NUDT13: variants seen among roughly 807,000 people sequenced by gnomAD.
NUDT13 encodes the protein NAD(P)H pyrophosphatase NUDT13, mitochondrial.
NUDT13 carries 40 observed loss-of-function variants against 41.7 expected under a neutral mutation model. The ratio of observed to expected loss-of-function variants is 0.96; its 90% CI spans 0.75 to 1.25. The LOEUF (loss-of-function observed/expected upper bound fraction) is 1.25, where lower values mean the gene tolerates loss of function less well. NUDT13 is among the 50% of genes most tolerant of loss of function. NUDT13 has a pLI of 0.00. For synonymous variants in NUDT13, 145 were observed against 155.5 expected, an observed-to-expected ratio of 0.93 and a Z score of 0.50; for missense variants, 390 against 416.1, an observed-to-expected ratio of 0.94 and a Z score of 0.55.
At chr10:73,128,831 T>C (rs1842849755) in intron 8 of NUDT13, among the ~76,000 whole-genome samples, 1 of 152,230 alleles carries the variant, frequency 6.6e-6, no homozygotes, top group Non-Finnish European at 1.5e-5. Flanking sequence ...TCTAGAAATT[T>C]ATTCCTTTAT....
At chr10:73,123,088 C>T (rs1373689331) in intron 4 of NUDT13, among the ~76,000 whole-genome samples, 1 of 150,832 alleles carries the variant, frequency 6.6e-6, no homozygotes, top group Non-Finnish European at 1.5e-5. Flanking sequence ...TTAGTAGAGA[C>T]GGGGTTTCTC....
rs754332444 is a variant in NUDT13 at position 73,125,180 on chromosome 10, CAAG to C, written c.534_536del (p.Lys178del). 4.6e-5 allele frequency: 75 copies of C among 1,613,562 alleles called. 1 individual carries two copies. Among genetic ancestry groups the C allele is most frequent in the Non-Finnish European group, 6.1e-5 (72 of 1,179,924 alleles). ...TCTGCAGCAGAAGTGGGCAGCCCAC[CAAG>C]AAGAACGTGGCTGGCAGCAAGCGTG... On this transcript the variant is annotated inframe_deletion, in exon 6 of 9. Transcript: ENST00000357321.
intron 1 of NUDT13, among the ~76,000 whole-genome samples, chr10:73,112,529 CAA>C (rs560262761): frequency 6.6e-6 from 1 of 150,528 alleles, no homozygotes; most frequent in Non-Finnish European, 1.5e-5. Flanking sequence ...TACTTTTTGA[CAA>C]AAAAAGTATA....
intron 4 of NUDT13, among the ~76,000 whole-genome samples, chr10:73,122,768 A>G (rs1842677213): frequency 6.7e-6 from 1 of 149,122 alleles, no homozygotes; most frequent in Admixed American, 6.7e-5. Flanking sequence ...TTTAATAGAG[A>G]TGGGGGTCTC....
intron 8 of NUDT13, among the ~76,000 whole-genome samples, chr10:73,127,088 A>G (rs1215417223): frequency 6.6e-6 from 1 of 152,150 alleles, no homozygotes; most frequent in Non-Finnish European, 1.5e-5. Context: ...TACTAAAAAT[A>G]CAAAAATTAA....
intron 2 of NUDT13, chr10:73,114,938 A>C (rs1842471957): frequency 6.6e-6 from 1 of 152,102 alleles, no homozygotes; most frequent in South Asian, 2.1e-4. Flanking sequence ...CATTTTGTCC[A>C]ATCAGATTTC....
chr10:73,119,972 T>A (rs1252754074), intron 2 of NUDT13, 46 bp from the exon 3 acceptor site: 2 of 1,591,372 alleles, frequency 1.3e-6, no homozygotes, highest in East Asian at 2.2e-5. Flanking sequence ...GCTATACAGG[T>A]AACTAAGGGT....
rs1842448321 is a variant in NUDT13, at chr10:73,114,396, A to T, written c.31A>T (p.Arg11Ter). The T allele has an allele frequency of 6.3e-7, 1 of 1,592,924 alleles. No homozygotes were observed. The highest frequency in any genetic ancestry group is 8.6e-7 in the Non-Finnish European group (1 of 1,167,072). Residue 11 changes from arginine (R) to a stop codon, truncating the protein, a stop_gained, in exon 2 of 9, where the codon AGA becomes TGA. Coordinates refer to ENST00000357321, the MANE Select transcript of NUDT13 (RefSeq NM_015901.6). LOFTEE classifies it high-confidence loss of function. ...CCTGTATTGTGGAATAGCTTGCAGGAGAAAATTTTTTTGGTGCTATAGGCT... is the reference window on the plus strand; with the variant it reads ...CCTGTATTGTGGAATAGCTTGCAGGTGAAAATTTTTTTGGTGCTATAGGCT... MSLYCGIACR[R>*]KFFWCYRLLS...
intron 8 of NUDT13, 40 bp from the exon 9 acceptor site, chr10:73,130,663 G>T (rs1384952036): frequency 1.9e-6 from 3 of 1,552,748 alleles, no homozygotes; most frequent in Non-Finnish European, 2.7e-6. Context: ...AAATTTTGTA[G>T]CTCCTGACCT....
chr10:73,115,359 G>T (rs1842482806), intron 2 of NUDT13, among the ~76,000 whole-genome samples: 1 of 151,916 alleles, frequency 6.6e-6, no homozygotes, highest in Non-Finnish European at 1.5e-5. Context: ...ATATTTTTGT[G>T]TAGAGACAGG....
rs60953028 is a variant in NUDT13, at chr10:73,122,900, CTTTTTTTTTTTTT to C, written c.358+596_358+608del. Among the ~76,000 whole-genome samples the C allele has an allele frequency of 3.1e-3, 379 of 123,038 alleles. 1 individual carries two copies. The highest frequency in any genetic ancestry group is 4.4e-3 in the Admixed American group (54 of 12,290). 80.7% of individuals were successfully genotyped at this position (123,038 alleles called of 152,430 possible). A position where few individuals can be genotyped will look rare whatever the true frequency, so the allele number is the denominator to read the frequency against. On this transcript the variant is annotated intron_variant, in intron 4 of 8. Coordinates refer to ENST00000357321, the MANE Select transcript of NUDT13 (RefSeq NM_015901.6). Reference sequence around the variant, plus strand: ...CCTGGCCTATACATTTTGTATATTTCTTTTTTTTTTTTTTTTTGAGGCAGAGTTTCACTCTTGT... The same window carrying C: ...CCTGGCCTATACATTTTGTATATTTCTTTTGAGGCAGAGTTTCACTCTTGT...
chr10:73,110,769 A>G (rs1215802682), intron 1 of NUDT13, among the ~76,000 whole-genome samples: 1 of 151,986 alleles, frequency 6.6e-6, no homozygotes, highest in Non-Finnish European at 1.5e-5. Context: ...ACAGCTCATC[A>G]TTTTCTGATA....
intron 6 of NUDT13, 74 bp downstream of exon 6, chr10:73,125,317 C>A: frequency 6.3e-7 from 1 of 1,599,458 alleles, no homozygotes; most frequent in Admixed American, 1.7e-5. Context: ...GAAGCCTGTG[C>A]AATTCCTTAA....
rs920945995 is a variant in NUDT13 at position 73,131,661 on chromosome 10, C to T, written c.*758C>T. ...ACAGTTGCTGGCATTTGCACATCCACAACGTGTTGATTAACAAAGGGATTG... is the reference window on the plus strand; with the variant it reads ...ACAGTTGCTGGCATTTGCACATCCATAACGTGTTGATTAACAAAGGGATTG... On this transcript the variant is annotated 3_prime_UTR_variant, in exon 9 of 9. Transcript: ENST00000357321. 56 of 152,346 alleles carry T rather than the reference C, an allele frequency of 3.7e-4. No individual in the cohort carries two copies. The highest frequency in any genetic ancestry group is 1.3e-3 in the African/African-American group (55 of 41,570). The allele number at this position is 152,346 out of a possible 1,614,324, so 9.4% of individuals were successfully genotyped here.
chr10:73,125,577 G>A, intron 7 of NUDT13, 68 bp downstream of exon 7: 1 of 1,069,104 alleles, frequency 9.4e-7, no homozygotes, highest in Non-Finnish European at 1.4e-6. Flanking sequence ...AATCTTCTCT[G>A]TCTTGTTGCT....
In NUDT13 at chr10:73,114,339, C is replaced by CTTTTT; in HGVS notation, c.-9-8_-9-4dup. ...CATATTATGACTTTTTTTAAAACTC[C>CTTTTT]TTTTTTTTTTTTTTAAGGACCTGAC... On this transcript the variant is annotated splice_polypyrimidine_tract_variant and intron_variant, in intron 1 of 8. Transcript: ENST00000357321. 1 of 1,081,200 alleles carries CTTTTT rather than the reference C, an allele frequency of 9.2e-7. No homozygotes were observed. Among genetic ancestry groups the CTTTTT allele is most frequent in the Non-Finnish European group, 1.3e-6 (1 of 772,886 alleles). 67.0% of individuals were successfully genotyped at this position (1,081,200 alleles called of 1,614,324 possible).
At chr10:73,120,937 CAAA>C (rs11322928) in intron 3 of NUDT13, among the ~76,000 whole-genome samples, 3 of 101,794 alleles carry the variant, frequency 2.9e-5, no homozygotes, top group Admixed American at 1.1e-4. Context: ...GACTCCATCT[CAAA>C]AAAAAAAAAA....
intron 7 of NUDT13, 165 bp from the exon 8 acceptor site, chr10:73,126,508 C>A: frequency 1.5e-6 from 1 of 689,314 alleles, no homozygotes; most frequent in East Asian, 2.7e-5. Flanking sequence ...CAACACACAG[C>A]TCTGGACCTG....
At chr10:73,114,581 G>C (rs980825294) in intron 2 of NUDT13, 133 bp downstream of exon 2, 1 of 266,164 alleles carries the variant, frequency 3.8e-6, no homozygotes, top group African/African-American at 2.3e-5. Flanking sequence ...TTGTGTGTGT[G>C]TATATGTGTG....
Sources: gnomAD v4.1 joint callset for allele counts (sites outside exome capture counted in the v4.1 genomes callset) on GRCh38, gnomAD v4.1.1 for gene constraint, MANE v1.5 for transcripts, NCBI Gene and HGNC (gene_info 2026-07-23, HGNC 2026-07-21) for gene names.